TBCA: variants seen among roughly 807,000 people sequenced by gnomAD.
TBCA encodes tubulin folding cofactor A, also known as tubulin-specific chaperone A.
A neutral mutation model predicts 15.8 loss-of-function variants in TBCA; 6 were observed. That is an observed-to-expected ratio of 0.38 (90% CI 0.21 to 0.75). The LOEUF (loss-of-function observed/expected upper bound fraction) is 0.75, where lower values mean the gene tolerates loss of function less well. Among genes scored for constraint, TBCA ranks in the 30% least tolerant of loss-of-function variants. The pLI is 0.46. For synonymous variants in TBCA, 32 were observed against 42.3 expected, an observed-to-expected ratio of 0.76 and a Z score of 0.94; for missense variants, 90 against 131.2, an observed-to-expected ratio of 0.69 and a Z score of 1.53.
At chr5:77,695,140 G>A (rs1354138844) in intron 2 of TBCA, among the ~76,000 whole-genome samples, 1 of 152,084 alleles carries the variant, frequency 6.6e-6, no homozygotes, top group East Asian at 1.9e-4. Context: ...CACAATATGT[G>A]TTTGTAAAAA....
At chr5:77,739,504 C>G (rs1580120032) in intron 1 of TBCA, among the ~76,000 whole-genome samples, 1 of 152,166 alleles carries the variant, frequency 6.6e-6, no homozygotes, top group African/African-American at 2.4e-5. Flanking sequence ...GAAGGCCAAT[C>G]ATCTTTGGCT....
At chr5:77,698,730 C>A (rs2652208) in intron 2 of TBCA, among the ~76,000 whole-genome samples, 35,484 of 151,890 alleles carry the variant, frequency 0.23, 4,776 homozygotes, top group Non-Finnish European at 0.31. Flanking sequence ...GCACAAAAAA[C>A]GAAAACTGCT....
At chr5:77,711,403 A>G (rs1746275468) in intron 1 of TBCA, among the ~76,000 whole-genome samples, 1 of 152,150 alleles carries the variant, frequency 6.6e-6, no homozygotes, top group Non-Finnish European at 1.5e-5. Context: ...ACTTAATTAT[A>G]TCAGCATTAA....
chr5:77,702,844 GTACC>G, intron 2 of TBCA, among the ~76,000 whole-genome samples: 1 of 152,232 alleles, frequency 6.6e-6, no homozygotes, highest in East Asian at 1.9e-4. Flanking sequence ...CTGCATATAG[GTACC>G]AAGAGACAAA....
chr5:77,716,611 C>G (rs996916738), intron 1 of TBCA, among the ~76,000 whole-genome samples: 17 of 152,174 alleles, frequency 1.1e-4, no homozygotes, highest in Admixed American at 9.8e-4. Context: ...ATTTTAGTAA[C>G]TACTAATTCA....
In TBCA at chr5:77,767,616, A is replaced by T. The variant is rs138961459; in HGVS notation, c.53+8589T>A. Among the ~76,000 whole-genome samples, 193 of 152,326 alleles carry T rather than the reference A, an allele frequency of 1.3e-3. 3 individuals carry two copies. The highest frequency in any genetic ancestry group is 8.9e-3 in the Admixed American group (136 of 15,302). ...CTTCAGCAATGGTCACAAAAAGATG[A>T]TCATTACAAAGTCTTAGAAATTACT... On this transcript the variant is annotated intron_variant, in intron 1 of 3. Transcript: ENST00000380377.
chr5:77,759,503 G>C (rs978147377), intron 1 of TBCA, among the ~76,000 whole-genome samples: 2 of 152,204 alleles, frequency 1.3e-5, no homozygotes, highest in Admixed American at 1.3e-4. Context: ...TGAGGAGGGA[G>C]TCCATTCAGA....
intron 1 of TBCA, among the ~76,000 whole-genome samples, chr5:77,754,612 A>G (rs1747430891): frequency 6.6e-6 from 1 of 152,214 alleles, no homozygotes; most frequent in African/African-American, 2.4e-5. Context: ...ATTTTGGGTG[A>G]TTACCTAAGT....
At chr5:77,735,144 G>A (rs1442399672) in intron 1 of TBCA, among the ~76,000 whole-genome samples, 3 of 151,980 alleles carry the variant, frequency 2.0e-5, no homozygotes, top group African/African-American at 7.3e-5. Flanking sequence ...ATATCTCCAA[G>A]GTACCTGTAT....
At chr5:77,755,873 G>A (rs1360422974) in intron 1 of TBCA, among the ~76,000 whole-genome samples, 1 of 152,082 alleles carries the variant, frequency 6.6e-6, no homozygotes, top group South Asian at 2.1e-4. Context: ...GAGTGGTGGC[G>A]CATGCCTGTA....
intron 1 of TBCA, among the ~76,000 whole-genome samples, chr5:77,751,969 A>G (rs181054163): frequency 6.1e-4 from 93 of 152,222 alleles, no homozygotes; most frequent in African/African-American, 2.1e-3. Context: ...CAGTTTATTG[A>G]TCTGGGTGGT....
At chr5:77,722,065 T>A (rs1039453535) in intron 1 of TBCA, among the ~76,000 whole-genome samples, 3 of 152,082 alleles carry the variant, frequency 2.0e-5, no homozygotes, top group African/African-American at 7.2e-5. Context: ...ATCACAACTT[T>A]TTGCAAGCTG....
Position 77,766,508 on chromosome 5 carries a change from ATTTATTT to A in TBCA, c.53+9690_53+9696del, listed in dbSNP as rs1302832187. On this transcript the variant is annotated intron_variant, in intron 1 of 3. Coordinates refer to ENST00000380377, the MANE Select transcript of TBCA (RefSeq NM_004607.3). ...GTCTCTCACTTTTATTTATTTATTT[ATTTATTT>A]TTTTTTTTTTTTGAGACGGAGTCTC... is the stretch of plus-strand genomic sequence containing the variant. Among the ~76,000 whole-genome samples, 2 of 36,078 alleles carry A rather than the reference ATTTATTT, an allele frequency of 5.5e-5. 1 individual carries two copies. Among genetic ancestry groups the A allele is most frequent in the Non-Finnish European group, 1.9e-4 (2 of 10,540 alleles). The allele number at this position is 36,078 out of a possible 152,430, so 23.7% of individuals were successfully genotyped here. A position where few individuals can be genotyped will look rare whatever the true frequency, so the allele number is the denominator to read the frequency against.
chr5:77,693,226 A>G (rs748265601), intron 3 of TBCA, 40 bp downstream of exon 3: 2 of 1,573,642 alleles, frequency 1.3e-6, no homozygotes, highest in Non-Finnish European at 1.7e-6. Flanking sequence ...TATTGGATTG[A>G]AAAAAAAAAT....
intron 1 of TBCA, among the ~76,000 whole-genome samples, chr5:77,720,287 GTTTTGT>G (rs1405976351): frequency 6.6e-6 from 1 of 152,096 alleles, no homozygotes; most frequent in Non-Finnish European, 1.5e-5. Context: ...GAGGGGTTTT[GTTTTGT>G]TTTTAAGTGA....
rs574008512 is a variant in TBCA, at chr5:77,760,623, G to A, written c.53+15582C>T. ...TTTTTGGTGGAAACGGGGTTTCGCC[G>A]TGTTGGCCGGGCTGGTCTCCAGCTC... On this transcript the variant is annotated intron_variant, in intron 1 of 3. Coordinates refer to ENST00000380377, the MANE Select transcript of TBCA (RefSeq NM_004607.3). 4.6e-5 allele frequency among the ~76,000 whole-genome samples: 7 copies of A among 152,304 alleles called. No homozygotes were observed. The South Asian group carries it at 1.2e-3, about 27-fold the overall frequency.
intron 1 of TBCA, among the ~76,000 whole-genome samples, chr5:77,717,498 TAA>T (rs1746423954): frequency 6.6e-6 from 1 of 152,230 alleles, no homozygotes; most frequent in South Asian, 2.1e-4. Flanking sequence ...AAATTTTGTG[TAA>T]AAGTCTGTAT....
intron 1 of TBCA, among the ~76,000 whole-genome samples, chr5:77,734,838 T>A (rs954920919): frequency 6.6e-6 from 1 of 152,330 alleles, no homozygotes; most frequent in South Asian, 2.1e-4. Context: ...TTTAAGAAAT[T>A]GCCACAGCCA....
chr5:77,744,533 T>TTC (rs1220184793), intron 1 of TBCA, among the ~76,000 whole-genome samples: 1 of 105,456 alleles, frequency 9.5e-6, no homozygotes, highest in African/African-American at 3.9e-5. Flanking sequence ...TTATTCACCT[T>TTC]TTTTTTTTTT....
Sources: allele counts gnomAD v4.1 joint callset (sites outside exome capture counted in the v4.1 genomes callset), GRCh38; gene constraint gnomAD v4.1.1; transcripts MANE v1.5; gene names NCBI Gene and HGNC (gene_info 2026-07-23, HGNC 2026-07-21).